TENT2: variants seen among roughly 807,000 people sequenced by gnomAD.
The protein encoded by TENT2 is poly(A) RNA polymerase GLD2.
In TENT2, 44 loss-of-function variants were observed where a neutral mutation model predicts 72.2. The observed-to-expected ratio is 0.61, with a 90% CI of 0.48 to 0.78. The LOEUF is 0.78. Among genes scored for constraint, TENT2 ranks in the 30% least tolerant of loss-of-function variants. TENT2 has a pLI of 0.00. For missense variants in TENT2, 541 were observed against 569.6 expected (o/e 0.95, Z 0.51); for synonymous variants, 212 against 192.5 (o/e 1.10, Z -0.84).
At position 79,614,808 on chromosome 5, in the gene TENT2, TTA is replaced by T. The variant is rs142279378; in HGVS notation, c.-38+1735_-38+1736del. 8.8e-3 allele frequency among the ~76,000 whole-genome samples: 1,343 copies of T among 152,302 alleles called. 16 individuals are homozygous for T. Among genetic ancestry groups the T allele is most frequent in the African/African-American group, 0.031 (1,296 of 41,556 alleles). On this transcript the variant is annotated intron_variant, in intron 1 of 14. Coordinates refer to ENST00000453514, the MANE Select transcript of TENT2 (RefSeq NM_001114394.3). ...CTCTACAGTCTCTTTAAAAAAATGA[TTA>T]TGTTGTTTATGATAATTGTTTTGAT... is the stretch of plus-strand genomic sequence containing the variant.
At chr5:79,681,407 C>G (rs1821815203) in intron 13 of TENT2, among the ~76,000 whole-genome samples, 1 of 151,894 alleles carries the variant, frequency 6.6e-6, no homozygotes, top group South Asian at 2.1e-4. Flanking sequence ...ATCCACCCAC[C>G]TCAGGCTCCC....
intron 14 of TENT2, 111 bp downstream of exon 14, chr5:79,682,172 A>C (rs1822497653): frequency 1.6e-6 from 1 of 628,570 alleles, no homozygotes; most frequent in Non-Finnish European, 2.7e-6. Context: ...TGAATCCATT[A>C]ATATAGCATG....
chr5:79,663,947 A>G (rs989681642), intron 11 of TENT2, among the ~76,000 whole-genome samples: 3 of 152,206 alleles, frequency 2.0e-5, no homozygotes, highest in African/African-American at 7.2e-5. Context: ...TTATGCATCC[A>G]TAGATTCAAC....
At chr5:79,681,014 A>G (rs952809530) in intron 13 of TENT2, among the ~76,000 whole-genome samples, 2 of 151,912 alleles carry the variant, frequency 1.3e-5, no homozygotes, top group African/African-American at 4.8e-5. Flanking sequence ...GAACATGGAA[A>G]GTATATATAT....
At chr5:79,647,583 T>G (rs1408628972) in intron 8 of TENT2, among the ~76,000 whole-genome samples, 1 of 152,186 alleles carries the variant, frequency 6.6e-6, no homozygotes, top group Admixed American at 6.5e-5. Flanking sequence ...ATGGAAAGAT[T>G]GTAAGATTTT....
intron 8 of TENT2, among the ~76,000 whole-genome samples, chr5:79,647,889 A>G (rs1790428816): frequency 6.6e-6 from 1 of 152,190 alleles, no homozygotes; most frequent in Admixed American, 6.5e-5. Context: ...GTGTTTGAGT[A>G]GTATAGATAG....
At chr5:79,630,159 C>G (rs1774110394) in intron 4 of TENT2, among the ~76,000 whole-genome samples, 1 of 151,888 alleles carries the variant, frequency 6.6e-6, no homozygotes, top group Non-Finnish European at 1.5e-5. Context: ...TAAAAAAATG[C>G]AGATCACAAT....
At chr5:79,626,806 T>C (rs1359293427) in intron 4 of TENT2, among the ~76,000 whole-genome samples, 1 of 149,502 alleles carries the variant, frequency 6.7e-6, no homozygotes, top group Non-Finnish European at 1.5e-5. Context: ...AAAGCCTATG[T>C]ATAAATTAAA....
In TENT2 at chr5:79,619,785, A is replaced by T; in HGVS notation, c.137A>T (p.Asp46Val). The change falls in exon 2 of 15, where the codon GAC becomes GTC. Residue 46 changes from aspartate to valine, a missense_variant and splice_region_variant. Asp to Val is a radical substitution (Grantham distance 152, BLOSUM62 -3). Transcript: ENST00000453514. ...IDAQFNFQNADLSRAVSLQQL... is the reference protein window; with the variant it reads ...IDAQFNFQNAVLSRAVSLQQL... ...GCACAATTCAACTTTCAGAATGCAG[A>T]GTGAGTATGGTGATATTTTGGCCCA... 6.2e-7 allele frequency: 1 copy of T among 1,612,576 alleles called. No homozygotes were observed. The highest frequency in any genetic ancestry group is 8.5e-7 in the Non-Finnish European group (1 of 1,179,222).
intron 2 of TENT2, 36 bp from the exon 3 acceptor site, chr5:79,619,958 T>C (rs779822462): frequency 2.7e-6 from 4 of 1,497,386 alleles, no homozygotes; most frequent in Non-Finnish European, 3.6e-6. Flanking sequence ...AGAAAAAATA[T>C]GTATAAATTA....
chr5:79,621,104 G>A (rs1272107870), intron 3 of TENT2, among the ~76,000 whole-genome samples: 6 of 133,540 alleles, frequency 4.5e-5, no homozygotes, highest in Non-Finnish European at 9.2e-5. Context: ...ACAAGGTGCT[G>A]TAAAAAAAAA....
chr5:79,675,350 G>A (rs1438082190), intron 12 of TENT2, among the ~76,000 whole-genome samples: 1 of 152,194 alleles, frequency 6.6e-6, no homozygotes, highest in Non-Finnish European at 1.5e-5. Flanking sequence ...GTTGGAGCTA[G>A]TAGGAATTAT....
intron 14 of TENT2, among the ~76,000 whole-genome samples, chr5:79,683,447 G>T (rs1025659245): frequency 1.3e-5 from 2 of 152,060 alleles, no homozygotes; most frequent in African/African-American, 2.4e-5. Context: ...GAGGTTGAGG[G>T]TGCAGTGAGC....
chr5:79,617,380 A>G (rs1761105198), intron 1 of TENT2: 1 of 151,962 alleles, frequency 6.6e-6, no homozygotes, highest in African/African-American at 2.4e-5. Context: ...TGCCTTTTTT[A>G]TATTACCTAT....
chr5:79,672,321 A>G (rs1402346900), intron 12 of TENT2, among the ~76,000 whole-genome samples: 1 of 152,204 alleles, frequency 6.6e-6, no homozygotes, highest in Non-Finnish European at 1.5e-5. Context: ...CAAACAATCC[A>G]GTTATCCTGT....
chr5:79,618,435 T>G (rs550298100), intron 1 of TENT2, among the ~76,000 whole-genome samples: 3 of 152,214 alleles, frequency 2.0e-5, no homozygotes, highest in African/African-American at 4.8e-5. Flanking sequence ...GGTCTCACTT[T>G]GTTGTCCAGG....
chr5:79,670,570 G>T (rs536948697), intron 12 of TENT2, among the ~76,000 whole-genome samples: 1 of 151,734 alleles, frequency 6.6e-6, no homozygotes. Flanking sequence ...TGATCTGCCC[G>T]CCTCAGCCTC....
In TENT2 at chr5:79,640,942, G is replaced by A; in HGVS notation, c.557G>A (p.Arg186Lys). 1 of 1,608,044 alleles carries A rather than the reference G, an allele frequency of 6.2e-7. No individual in the cohort carries two copies. Among genetic ancestry groups the A allele is most frequent in the Non-Finnish European group, 8.5e-7 (1 of 1,177,504 alleles). Residue 186 changes from arginine to lysine, a missense_variant, in exon 5 of 15, where the codon AGA becomes AAA. Transcript: ENST00000453514. Reference sequence around the variant, plus strand: ...GAACTCTGTCGAACACAGCTGCAGAGAGAAATTCAGCTGTTATTTCCACGT... The same window carrying A: ...GAACTCTGTCGAACACAGCTGCAGAAAGAAATTCAGCTGTTATTTCCACGT... ...KKELCRTQLQ[R>K]EIQLLFPQSR...
chr5:79,671,130 G>C (rs1300247323), intron 12 of TENT2, among the ~76,000 whole-genome samples: 2 of 152,076 alleles, frequency 1.3e-5, no homozygotes, highest in Non-Finnish European at 2.9e-5. Context: ...GATAGTGGAT[G>C]TGTAGGTTTG....
Sources: allele counts gnomAD v4.1 joint callset (sites outside exome capture counted in the v4.1 genomes callset), GRCh38; gene constraint gnomAD v4.1.1; transcripts MANE v1.5; gene names NCBI Gene and HGNC (gene_info 2026-07-23, HGNC 2026-07-21).